CACNA1E: variants seen among roughly 807,000 people sequenced by gnomAD.
The protein encoded by CACNA1E is calcium voltage-gated channel subunit alpha1 E.
In CACNA1E, 40 loss-of-function variants were observed where a neutral mutation model predicts 259.2. The ratio of observed to expected loss-of-function variants is 0.15; its 90% CI spans 0.12 to 0.20. CACNA1E has a LOEUF of 0.20. Among genes scored for constraint, CACNA1E ranks in the 10% least tolerant of loss-of-function variants. The pLI, the probability that CACNA1E is intolerant of heterozygous loss-of-function variation, is 1.00. For missense variants in CACNA1E, 1,874 were observed against 3,040.1 expected (o/e 0.62, Z 9.02); for synonymous variants, 1,104 against 1,138.5 (o/e 0.97, Z 0.61).
At chr1:181,739,110 T>G in intron 24 of CACNA1E, 37 bp from the exon 25 acceptor site, 1 of 1,280,640 alleles carries the variant, frequency 7.8e-7, no homozygotes, top group Non-Finnish European at 1.1e-6. Flanking sequence ...TGCCCACACT[T>G]TCTTGGCTCA....
chr1:181,629,587 C>A (rs954968040), intron 6 of CACNA1E, among the ~76,000 whole-genome samples: 1 of 151,816 alleles, frequency 6.6e-6, no homozygotes, highest in Non-Finnish European at 1.5e-5. Flanking sequence ...TGGTAAAGGA[C>A]ACCATAAGTA....
rs771483874 is a variant in CACNA1E at position 181,798,504 on chromosome 1, T to A, written c.6612T>A (p.Asn2204Lys). ...PLTSQALESN[N>K]ACLTESSNSP... ...CCTCCCAAGCTCTGGAGAGCAACAA[T>A]GCTTGCCTGACCGAGTCTTCCAACT... Residue 2204 changes from asparagine (N) to lysine (K), a missense_variant, in exon 48 of 48, where the codon AAT becomes AAA. Around this residue, in one of 14 missense-constraint regions of CACNA1E, gnomAD observed 542 missense variants for 587.2 expected, o/e 0.92. Transcript: ENST00000367573. This position sits in a 1 kb window ranked among gnomAD's most constrained non-coding sequence, Gnocchi z 4.2. The A allele has an allele frequency of 5.0e-6, 8 of 1,613,744 alleles. No homozygotes were observed. In the African/African-American group the frequency reaches 1.1e-4, roughly 22 times the overall value.
chr1:181,529,279 G>T (rs1280095028), intron 3 of CACNA1E, among the ~76,000 whole-genome samples: 1 of 152,224 alleles, frequency 6.6e-6, no homozygotes, highest in African/African-American at 2.4e-5. Context: ...ATTGAGGTTT[G>T]GGAACCTCCA....
chr1:181,557,910 C>T (rs1480152564), intron 3 of CACNA1E, among the ~76,000 whole-genome samples: 2 of 152,178 alleles, frequency 1.3e-5, no homozygotes, highest in Non-Finnish European at 2.9e-5. Flanking sequence ...TTCAGACAGT[C>T]CCATTTTTAA....
chr1:181,490,869 G>A (rs190575751), intron 1 of CACNA1E, among the ~76,000 whole-genome samples: 19 of 152,254 alleles, frequency 1.2e-4, no homozygotes, highest in Non-Finnish European at 4.4e-5. Context: ...GATCATGGGT[G>A]GAGCCTTGAT....
intron 1 of CACNA1E, among the ~76,000 whole-genome samples, chr1:181,375,041 A>G (rs1244911556): frequency 6.6e-6 from 1 of 152,216 alleles, no homozygotes; most frequent in African/African-American, 2.4e-5. Flanking sequence ...AAAAGTGGGT[A>G]CACTATATGC....
At chr1:181,659,581 G>A (rs763343566) in intron 7 of CACNA1E, among the ~76,000 whole-genome samples, 1 of 152,200 alleles carries the variant, frequency 6.6e-6, no homozygotes, top group Non-Finnish European at 1.5e-5. Context: ...TCTGGACAGG[G>A]AAAGGTAAAT....
At chr1:181,611,306 G>A (rs1379521673) in intron 6 of CACNA1E, among the ~76,000 whole-genome samples, 1 of 151,890 alleles carries the variant, frequency 6.6e-6, no homozygotes, top group Admixed American at 6.6e-5. Flanking sequence ...GATCTTTATT[G>A]CATGCTGACT....
chr1:181,750,340 T>G lies in CACNA1E; in HGVS notation c.3720-136T>G, dbSNP rs1363193329. Reference sequence around the variant, plus strand: ...GTGGGGTCCCCTGGGCCTGTGCTGCTCTGATTCCCTATCATTGTAGGGTTC... The same window carrying G: ...GTGGGGTCCCCTGGGCCTGTGCTGCGCTGATTCCCTATCATTGTAGGGTTC... On this transcript the variant is annotated intron_variant, in intron 25 of 47. Coordinates refer to ENST00000367573, the MANE Select transcript of CACNA1E (RefSeq NM_001205293.3). The G allele has an allele frequency of 5.5e-6, 4 of 725,248 alleles. No homozygotes were observed. In the East Asian group the frequency reaches 1.1e-4, roughly 19 times the overall value. The allele number at this position is 725,248 out of a possible 1,614,324, so 44.9% of individuals were successfully genotyped here. A position where few individuals can be genotyped will look rare whatever the true frequency, so the allele number is the denominator to read the frequency against.
At chr1:181,585,570 GA>G (rs370881000) in intron 6 of CACNA1E, among the ~76,000 whole-genome samples, 3 of 151,954 alleles carry the variant, frequency 2.0e-5, no homozygotes, top group Admixed American at 6.6e-5. Context: ...ATGCTGTGGA[GA>G]AAAAAAATGT....
intron 3 of CACNA1E, among the ~76,000 whole-genome samples, chr1:181,540,716 C>T (rs1363165610): frequency 6.6e-6 from 1 of 152,176 alleles, no homozygotes; most frequent in African/African-American, 2.4e-5. Flanking sequence ...CAAAGTCTCC[C>T]CTAGTTTACT....
intron 7 of CACNA1E, among the ~76,000 whole-genome samples, chr1:181,665,699 C>T (rs1430586007): frequency 6.6e-6 from 1 of 151,846 alleles, no homozygotes; most frequent in Non-Finnish European, 1.5e-5. Flanking sequence ...ATTTATGTAT[C>T]GAAACATCAG....
rs1445829303 is a variant in CACNA1E, at chr1:181,724,489, C to T, written c.2094C>T (p.Phe698=). 2.5e-6 allele frequency: 4 copies of T among 1,613,410 alleles called. No individual in the cohort carries two copies. The highest frequency in any genetic ancestry group is 3.3e-5 in the Admixed American group (2 of 59,988). ...LFGNYTLLNV[F]LAIAVDNLAN... is the part of the protein sequence containing the mutation. ...CCCCAGACACGCTACTGAATGTGTTCTTGGCTATCGCTGTGGATAATCTCG... is the reference window on the plus strand; with the variant it reads ...CCCCAGACACGCTACTGAATGTGTTTTTGGCTATCGCTGTGGATAATCTCG... Residue 698 remains phenylalanine (F), a synonymous_variant, in exon 17 of 48, where the codon TTC becomes TTT. Coordinates refer to ENST00000367573, the MANE Select transcript of CACNA1E (RefSeq NM_001205293.3).
At chr1:181,668,009 T>C (rs933420644) in intron 7 of CACNA1E, among the ~76,000 whole-genome samples, 3 of 152,182 alleles carry the variant, frequency 2.0e-5, no homozygotes, top group African/African-American at 7.2e-5. Context: ...GTGCAATCCA[T>C]AGAGCTTCAG....
At chr1:181,651,857 T>G (rs1308307994) in intron 7 of CACNA1E, 1 of 156,194 alleles carries the variant, frequency 6.4e-6, no homozygotes, top group Non-Finnish European at 1.4e-5. Flanking sequence ...ATTTGTGGCT[T>G]GAATTAGTTT....
At chr1:181,465,946 A>G (rs1662124886) in intron 2 of CACNA1E, among the ~76,000 whole-genome samples, 1 of 152,020 alleles carries the variant, frequency 6.6e-6, no homozygotes, top group Non-Finnish European at 1.5e-5. Flanking sequence ...TTCTTACTTG[A>G]CCCAGGGGTG....
intron 1 of CACNA1E, among the ~76,000 whole-genome samples, chr1:181,382,177 G>A (rs1021455590): frequency 8.5e-5 from 13 of 152,260 alleles, no homozygotes; most frequent in African/African-American, 3.1e-4. Flanking sequence ...GGGGAAAAGT[G>A]TTCCAGGCTG....
At chr1:181,611,666 A>G (rs1307782379) in intron 6 of CACNA1E, among the ~76,000 whole-genome samples, 1 of 152,108 alleles carries the variant, frequency 6.6e-6, no homozygotes, top group African/African-American at 2.4e-5. Context: ...TCAATAGGGG[A>G]AGGGTGCTTC....
At chr1:181,733,066 G>A in intron 20 of CACNA1E, 32 bp downstream of exon 20, 1 of 1,538,048 alleles carries the variant, frequency 6.5e-7, no homozygotes, top group Non-Finnish European at 8.7e-7. Context: ...CAGATGGATG[G>A]CACACAGGCT....
Sources: gnomAD v4.1 joint callset for allele counts (sites outside exome capture counted in the v4.1 genomes callset) on GRCh38, gnomAD v4.1.1 for gene constraint, gnomAD v4.1.1 regional missense constraint, Gnocchi (gnomAD v3.1) non-coding constraint, MANE v1.5 for transcripts, NCBI Gene and HGNC (gene_info 2026-07-23, HGNC 2026-07-21) for gene names.